ANK1: variants seen among roughly 807,000 people sequenced by gnomAD.
ANK1 encodes ankyrin-1.
ANK1 carries 51 observed loss-of-function variants against 210.4 expected under a neutral mutation model. The ratio of observed to expected loss-of-function variants is 0.24; its 90% confidence interval spans 0.19 to 0.31. The LOEUF (loss-of-function observed/expected upper bound fraction) is 0.31. Among genes scored for constraint, ANK1 ranks in the 10% least tolerant of loss-of-function variants. ANK1 has a pLI of 1.00. For missense variants in ANK1, 2,051 were observed against 2,504.4 expected, an observed-to-expected ratio of 0.82 and a Z score of 3.86; for synonymous variants, 967 against 1,025.9, an observed-to-expected ratio of 0.94 and a Z score of 1.10.
chr8:41,721,734 T>C (rs1000014156), intron 9 of ANK1, among the ~76,000 whole-genome samples: 2 of 150,368 alleles, frequency 1.3e-5, no homozygotes, highest in African/African-American at 4.9e-5. Flanking sequence ...CTTCTGGAAG[T>C]GTGAGACAGT....
intron 1 of ANK1, among the ~76,000 whole-genome samples, chr8:41,819,237 A>G (rs1028643530): frequency 3.9e-5 from 6 of 152,164 alleles, no homozygotes; most frequent in Non-Finnish European, 5.9e-5. Flanking sequence ...TCGGGAGACA[A>G]AGGACTTCAG....
At chr8:41,776,235 C>T (rs1844006552) in intron 1 of ANK1, among the ~76,000 whole-genome samples, 1 of 152,164 alleles carries the variant, frequency 6.6e-6, no homozygotes, top group Non-Finnish European at 1.5e-5. Context: ...GCAACCGGGG[C>T]ATCTTTAATA....
intron 3 of ANK1, among the ~76,000 whole-genome samples, chr8:41,729,756 G>A (rs1401964412): frequency 2.0e-5 from 3 of 152,198 alleles, no homozygotes; most frequent in Non-Finnish European, 4.4e-5. Context: ...CTGTTCCCGG[G>A]ATACCCACAG....
At chr8:41,801,141 A>C (rs150059257), upstream of ANK1, among the ~76,000 whole-genome samples, 8 of 152,100 alleles carry the variant, frequency 5.3e-5, no homozygotes, top group African/African-American at 1.9e-4. Context: ...ATGGGATCTC[A>C]TTCTGTCACC....
At chr8:41,892,522 T>C (rs1819655412) in intron 1 of ANK1, among the ~76,000 whole-genome samples, 1 of 152,236 alleles carries the variant, frequency 6.6e-6, no homozygotes. Context: ...TTGTTACAAA[T>C]GTCTAAAATC....
At chr8:41,660,377 G>A (rs775502104) in intron 42 of ANK1, 30 of 467,576 alleles carry the variant, frequency 6.4e-5, no homozygotes, top group African/African-American at 3.0e-4. Context: ...GAATGGTAAC[G>A]GCCTGGTTAG....
At chr8:41,780,846 C>A (rs544902924) in intron 1 of ANK1, among the ~76,000 whole-genome samples, 1 of 149,572 alleles carries the variant, frequency 6.7e-6, no homozygotes. Flanking sequence ...GTGCACATAT[C>A]AAGGCAACTT....
intron 39 of ANK1, among the ~76,000 whole-genome samples, chr8:41,667,545 G>T (rs558734803): frequency 2.6e-5 from 4 of 152,266 alleles, no homozygotes; most frequent in African/African-American, 7.2e-5. Flanking sequence ...AAACAAGATT[G>T]GCCACGAGTA....
chr8:41,887,050 C>T (rs936797877), intron 1 of ANK1, among the ~76,000 whole-genome samples: 7 of 152,234 alleles, frequency 4.6e-5, no homozygotes, highest in South Asian at 4.2e-4. Context: ...CTCTAGTCCA[C>T]AGCACCTTGG....
rs1372324877 is a variant in ANK1 at position 41,701,583 on chromosome 8, C to G, written c.2428G>C (p.Val810Leu). The G allele has an allele frequency of 1.9e-6, 3 of 1,614,060 alleles. No homozygotes were observed. In the East Asian group the frequency reaches 6.7e-5, roughly 36 times the overall value. ...DKHRMSFPET[V>L]DEILDVSEDE... ...TCCGAGACATCCAGGATCTCATCAA[C>G]TGTCTCAGGGAAACTCATTCGATGC... The change falls in exon 22 of 43, where the codon GTT (valine) becomes CTT (leucine). Residue 810 changes from valine (V) to leucine (L), a missense_variant. Val to Leu is a conservative substitution (Grantham distance 32, BLOSUM62 1). Transcript: ENST00000289734.
intron 3 of ANK1, among the ~76,000 whole-genome samples, chr8:41,728,647 C>A (rs756592086): frequency 6.6e-6 from 1 of 152,156 alleles, no homozygotes; most frequent in East Asian, 1.9e-4. Flanking sequence ...CTGAGATGTG[C>A]GGTTGAAGGA....
At chr8:41,753,286 G>C (rs940907872) in intron 2 of ANK1, among the ~76,000 whole-genome samples, 1 of 151,858 alleles carries the variant, frequency 6.6e-6, no homozygotes, top group Non-Finnish European at 1.5e-5. Flanking sequence ...GGCTGGTCTC[G>C]AACACTTGAC....
chr8:41,837,945 G>T (rs933010600), intron 1 of ANK1, among the ~76,000 whole-genome samples: 1 of 152,170 alleles, frequency 6.6e-6, no homozygotes, highest in Non-Finnish European at 1.5e-5. Context: ...GGCCAAGGCT[G>T]CAGGGCAGGC....
intron 39 of ANK1, chr8:41,665,435 C>T: frequency 2.2e-6 from 1 of 457,486 alleles, no homozygotes; most frequent in Non-Finnish European, 3.7e-6. Context: ...CCTAACCCCG[C>T]CCTGCCCAGA....
chr8:41,863,456 A>G (rs1434302826), intron 1 of ANK1, among the ~76,000 whole-genome samples: 1 of 152,148 alleles, frequency 6.6e-6, no homozygotes. Context: ...AAGGAAAATC[A>G]CCATAATCTC....
intron 39 of ANK1, chr8:41,665,688 G>A (rs1009777888): frequency 1.9e-5 from 4 of 206,458 alleles, no homozygotes; most frequent in Non-Finnish European, 4.0e-5. Flanking sequence ...CTCCAAAAGG[G>A]TGAGTGATGG....
At chr8:41,805,221 CTCTG>C (rs1850780065) in intron 1 of ANK1, among the ~76,000 whole-genome samples, 1 of 151,146 alleles carries the variant, frequency 6.6e-6, no homozygotes, top group Admixed American at 6.6e-5. Flanking sequence ...CTCTCTCTCT[CTCTG>C]TCTCTCTCTC....
At chr8:41,826,373 C>T (rs1805376597) in intron 1 of ANK1, among the ~76,000 whole-genome samples, 1 of 152,090 alleles carries the variant, frequency 6.6e-6, no homozygotes, top group African/African-American at 2.4e-5. Context: ...AGAGCTGGTC[C>T]CTTCCTCCTC....
intron 1 of ANK1, among the ~76,000 whole-genome samples, chr8:41,827,861 ACT>A (rs1805736351): frequency 7.0e-6 from 1 of 142,684 alleles, no homozygotes; most frequent in African/African-American, 2.6e-5. Flanking sequence ...ACATACACCC[ACT>A]CACACACCCC....
Sources: allele counts gnomAD v4.1 joint callset (sites outside exome capture counted in the v4.1 genomes callset), GRCh38; gene constraint gnomAD v4.1.1; transcripts MANE v1.5; gene names NCBI Gene and HGNC (gene_info 2026-07-23, HGNC 2026-07-21).